Variants in FILIP1 observed in about 807,000 individuals in gnomAD.
FILIP1 encodes filamin A interacting protein 1, also known as filamin-A-interacting protein 1.
FILIP1 carries 61 observed loss-of-function variants against 102.1 expected under a neutral mutation model. The observed-to-expected ratio is 0.60, with a 90% confidence interval of 0.49 to 0.74. The LOEUF (loss-of-function observed/expected upper bound fraction) is 0.74, where lower values mean the gene tolerates loss of function less well. FILIP1 is among the 30% of genes least tolerant of loss of function. The pLI, the probability that FILIP1 is intolerant of heterozygous loss-of-function variation, is 0.00. For synonymous variants in FILIP1, 491 were observed against 526.9 expected (o/e 0.93, Z 0.93); for missense variants, 1,314 against 1,441.2 (o/e 0.91, Z 1.43).
intron 4 of FILIP1, among the ~76,000 whole-genome samples, chr6:75,351,579 A>C (rs1434533731): frequency 9.2e-5 from 14 of 152,204 alleles, no homozygotes. Context: ...GTTTAGATAC[A>C]CAAATACTTA....
At chr6:75,397,846 A>C (rs1485413643) in intron 2 of FILIP1, 5 of 152,136 alleles carry the variant, frequency 3.3e-5, no homozygotes, top group Admixed American at 1.3e-4. Flanking sequence ...TAGACTTGCA[A>C]ATGTACTTTC....
chr6:75,317,628 C>T (rs928428095), intron 4 of FILIP1, among the ~76,000 whole-genome samples: 8 of 152,134 alleles, frequency 5.3e-5, no homozygotes, highest in East Asian at 1.9e-4. Context: ...TGAGCTAGAG[C>T]GTGATCTCAG....
chr6:75,438,937 A>C (rs115468355), intron 1 of FILIP1, among the ~76,000 whole-genome samples: 108 of 152,314 alleles, frequency 7.1e-4, no homozygotes, highest in African/African-American at 2.4e-3. Flanking sequence ...AAGATTTTGA[A>C]CGACTCCAAT....
intron 2 of FILIP1, among the ~76,000 whole-genome samples, chr6:75,409,158 A>G (rs1420603188): frequency 1.3e-5 from 2 of 152,230 alleles, no homozygotes; most frequent in Non-Finnish European, 2.9e-5. Context: ...CTGGAGCCCA[A>G]CTTCCCTTGA....
chr6:75,439,185 T>TG (rs1778120980), intron 1 of FILIP1, among the ~76,000 whole-genome samples: 1 of 152,152 alleles, frequency 6.6e-6, no homozygotes, highest in Non-Finnish European at 1.5e-5. Flanking sequence ...GCTAACACGG[T>TG]GAAACCCCAT....
intron 4 of FILIP1, among the ~76,000 whole-genome samples, chr6:75,329,414 C>A (rs1176591279): frequency 5.9e-5 from 9 of 152,226 alleles, no homozygotes; most frequent in East Asian, 1.9e-4. Context: ...TCATCTTAAT[C>A]CATCGGACCC....
intron 1 of FILIP1, among the ~76,000 whole-genome samples, chr6:75,486,880 T>C (rs1470149211): frequency 6.6e-6 from 1 of 152,038 alleles, no homozygotes; most frequent in Non-Finnish European, 1.5e-5. Flanking sequence ...AGATAATATA[T>C]ATTACATGTA....
chr6:75,422,200 A>G (rs971056359), intron 1 of FILIP1, among the ~76,000 whole-genome samples: 7 of 152,008 alleles, frequency 4.6e-5, no homozygotes, highest in African/African-American at 1.7e-4. Flanking sequence ...ATATTTTTAT[A>G]TTTATAATTC....
rs534089719 is a variant in FILIP1, at chr6:75,487,035, A to G, written c.-7+6379T>C. On this transcript the variant is annotated intron_variant, in intron 1 of 5. Coordinates refer to ENST00000237172, the MANE Select transcript of FILIP1 (RefSeq NM_015687.5). ...CAGAACGAACAACAGGCTATGGCCA[A>G]ACCAGTTGGTTTGGTGTATTCAAAC... Among the ~76,000 whole-genome samples, 62 of 152,242 alleles carry G rather than the reference A, an allele frequency of 4.1e-4. 2 individuals are homozygous for G. The South Asian group carries it at 0.012, about 31-fold the overall frequency.
At chr6:75,433,243 G>A (rs1249853399) in intron 1 of FILIP1, among the ~76,000 whole-genome samples, 3 of 152,192 alleles carry the variant, frequency 2.0e-5, no homozygotes, top group Admixed American at 6.5e-5. Context: ...GATCCTTGAG[G>A]AATTGCCACA....
chr6:75,416,524 A>AAACCTACT (rs1271875048), intron 1 of FILIP1, among the ~76,000 whole-genome samples: 2 of 151,962 alleles, frequency 1.3e-5, no homozygotes, highest in Non-Finnish European at 2.9e-5. Context: ...ACTTTGGAAC[A>AAACCTACT]AACCTACTGT....
chr6:75,424,231 C>T (rs1777562676), intron 1 of FILIP1, among the ~76,000 whole-genome samples: 1 of 152,148 alleles, frequency 6.6e-6, no homozygotes, highest in Non-Finnish European at 1.5e-5. Context: ...TACTGCAATA[C>T]AAATGCATTT....
intron 1 of FILIP1, among the ~76,000 whole-genome samples, chr6:75,438,662 T>C (rs1425199669): frequency 3.3e-5 from 5 of 150,418 alleles, no homozygotes; most frequent in African/African-American, 4.9e-5. Context: ...TATGGGAAAA[T>C]GCAATGGATA....
At chr6:75,431,900 T>G (rs1203245914) in intron 1 of FILIP1, among the ~76,000 whole-genome samples, 1 of 152,228 alleles carries the variant, frequency 6.6e-6, no homozygotes, top group Non-Finnish European at 1.5e-5. Context: ...AAAAATCTCT[T>G]ATAGTACCCT....
chr6:75,454,583 A>G (rs1419429553), intron 1 of FILIP1, among the ~76,000 whole-genome samples: 2 of 152,236 alleles, frequency 1.3e-5, no homozygotes, highest in Non-Finnish European at 2.9e-5. Flanking sequence ...GTAATAACAA[A>G]GAATAACTAA....
intron 1 of FILIP1, among the ~76,000 whole-genome samples, chr6:75,469,001 A>G (rs1232513046): frequency 4.6e-5 from 7 of 152,050 alleles, no homozygotes; most frequent in Admixed American, 3.9e-4. Context: ...TACCACTCAC[A>G]GTAATTCTTT....
intron 4 of FILIP1, among the ~76,000 whole-genome samples, chr6:75,316,598 G>A (rs1773456965): frequency 6.6e-6 from 1 of 152,188 alleles, no homozygotes; most frequent in African/African-American, 2.4e-5. Flanking sequence ...TACAGTGTGA[G>A]ATAAGTATTA....
intron 3 of FILIP1, among the ~76,000 whole-genome samples, chr6:75,355,983 C>T (rs1027246114): frequency 1.1e-4 from 17 of 152,158 alleles, no homozygotes; most frequent in African/African-American, 3.9e-4. Flanking sequence ...GGCCTCTGTC[C>T]ACTAGATGCC....
chr6:75,293,416 TG>T (rs1772588395), exon 7 of FILIP1: 1 of 152,222 alleles, frequency 6.6e-6, no homozygotes, highest in African/African-American at 2.4e-5. Context: ...CAGTGTTTTC[TG>T]GGGGTTTTTT....
Sources: allele counts gnomAD v4.1 joint callset (sites outside exome capture counted in the v4.1 genomes callset), GRCh38; gene constraint gnomAD v4.1.1; transcripts MANE v1.5; gene names NCBI Gene and HGNC (gene_info 2026-07-23, HGNC 2026-07-21).